The following FHIT variants were observed in gnomAD, a reference collection of about 807,000 sequenced individuals.
FHIT encodes the protein fragile histidine triad diadenosine triphosphatase.
In FHIT, 19 loss-of-function variants were observed where a neutral mutation model predicts 17.9. That is an observed-to-expected ratio of 1.06 (90% confidence interval 0.74 to 1.56). The LOEUF is 1.56. Ranked by LOEUF, FHIT falls within the 40% of genes most tolerant of loss-of-function variation. The pLI is 0.00. For synonymous variants in FHIT, 81 were observed against 69.7 expected (o/e 1.16, Z -0.81); for missense variants, 248 against 189.2 (o/e 1.31, Z -1.82).
chr3:60,980,163 A>C (rs964446360), intron 3 of FHIT, among the ~76,000 whole-genome samples: 2 of 152,220 alleles, frequency 1.3e-5, no homozygotes, highest in Non-Finnish European at 2.9e-5. Flanking sequence ...TTCTTTAGAA[A>C]ACATTCCATC....
At chr3:60,687,754 A>C (rs1003718553) in intron 4 of FHIT, among the ~76,000 whole-genome samples, 5 of 152,138 alleles carry the variant, frequency 3.3e-5, no homozygotes, top group African/African-American at 1.2e-4. Flanking sequence ...AAAGTGTATT[A>C]AAGTGTCATA....
At chr3:60,185,717 G>A (rs1031033820) in intron 5 of FHIT, among the ~76,000 whole-genome samples, 2 of 152,142 alleles carry the variant, frequency 1.3e-5, no homozygotes, top group Admixed American at 6.6e-5. Flanking sequence ...AAGCGCCTGT[G>A]CTATTTTACA....
chr3:61,176,712 T>C (rs926356858), intron 2 of FHIT, among the ~76,000 whole-genome samples: 2 of 152,204 alleles, frequency 1.3e-5, no homozygotes, highest in Non-Finnish European at 2.9e-5. Context: ...TTCAGCAGCA[T>C]ATTCAAAGAG....
intron 4 of FHIT, among the ~76,000 whole-genome samples, chr3:60,546,200 G>T (rs1464091453): frequency 2.6e-5 from 4 of 151,936 alleles, no homozygotes. Context: ...TATTCTTTGA[G>T]CTTATTTCAG....
chr3:60,349,766 A>G lies in FHIT; in HGVS notation c.103+187094T>C, dbSNP rs371498901. Among the ~76,000 whole-genome samples, 3 of 152,352 alleles carry G rather than the reference A, an allele frequency of 2.0e-5. No homozygotes were observed. The East Asian group carries it at 5.8e-4, about 29-fold the overall frequency. On this transcript the variant is annotated intron_variant, in intron 5 of 9. Coordinates refer to ENST00000492590, the MANE Select transcript of FHIT (RefSeq NM_002012.4). The stretch of plus-strand genomic sequence containing the variant: ...AATTTTCTAAAGAAATCACAATTTT[A>G]AAAATGTTGGAAAGCCAGTTCCATT...
At chr3:60,883,492 A>G (rs1248044325) in intron 3 of FHIT, among the ~76,000 whole-genome samples, 3 of 152,162 alleles carry the variant, frequency 2.0e-5, no homozygotes, top group Non-Finnish European at 4.4e-5. Context: ...TAACTAAATC[A>G]TCATGTTACT....
chr3:60,337,929 C>G (rs1345828611), intron 5 of FHIT, among the ~76,000 whole-genome samples: 1 of 152,172 alleles, frequency 6.6e-6, no homozygotes, highest in Non-Finnish European at 1.5e-5. Flanking sequence ...TCCTGGAATA[C>G]ACAGTCACAC....
At chr3:61,218,983 A>T (rs1313804197) in intron 1 of FHIT, among the ~76,000 whole-genome samples, 3 of 152,196 alleles carry the variant, frequency 2.0e-5, no homozygotes, top group Non-Finnish European at 4.4e-5. Context: ...GTCATTGTGC[A>T]AACATCACTG....
intron 8 of FHIT, among the ~76,000 whole-genome samples, chr3:59,900,246 C>A (rs148583052): frequency 6.6e-6 from 1 of 152,316 alleles, no homozygotes; most frequent in African/African-American, 2.4e-5. Flanking sequence ...ACTCACCCCA[C>A]AGGGCATGAG....
chr3:60,301,310 T>C (rs1424426841), intron 5 of FHIT, among the ~76,000 whole-genome samples: 2 of 152,298 alleles, frequency 1.3e-5, no homozygotes, highest in East Asian at 3.9e-4. Flanking sequence ...TGTTTCACCA[T>C]AGCCTTATGT....
At chr3:60,217,600 C>A (rs895093510) in intron 5 of FHIT, among the ~76,000 whole-genome samples, 1 of 152,152 alleles carries the variant, frequency 6.6e-6, no homozygotes, top group African/African-American at 2.4e-5. Context: ...ATAAAACCTA[C>A]GCTAGTCCAC....
intron 4 of FHIT, among the ~76,000 whole-genome samples, chr3:60,660,729 C>CTTTTTTTTTTTCTTTTTTTTTTTTTT (rs2040223178): frequency 2.7e-5 from 1 of 37,278 alleles, no homozygotes; most frequent in Non-Finnish European, 5.5e-5. Flanking sequence ...TTATTGTGCT[C>CTTTTTTTTTTTCTTTTTTTTTTTTTT]TTTTTTTTTT....
intron 4 of FHIT, among the ~76,000 whole-genome samples, chr3:60,609,852 T>C (rs1160955454): frequency 6.6e-6 from 1 of 152,160 alleles, no homozygotes; most frequent in Non-Finnish European, 1.5e-5. Context: ...AACAATATAC[T>C]GCATACCCAA....
At chr3:60,434,001 G>C (rs2029979296) in intron 5 of FHIT, among the ~76,000 whole-genome samples, 2 of 152,008 alleles carry the variant, frequency 1.3e-5, no homozygotes, top group South Asian at 4.2e-4. Context: ...AAATGTTAAG[G>C]AGATTTCCCC....
rs374251117 is a variant in FHIT at position 60,512,264 on chromosome 3, A to T, written c.103+24596T>A. Among the ~76,000 whole-genome samples the T allele has an allele frequency of 3.0e-4, 46 of 152,308 alleles. No homozygotes were observed. In the South Asian group the frequency reaches 9.1e-3, roughly 30 times the overall value. On this transcript the variant is annotated intron_variant, in intron 5 of 9. Coordinates refer to ENST00000492590, the MANE Select transcript of FHIT (RefSeq NM_002012.4). Reference sequence around the variant, plus strand: ...CCTGAATCAGATTAAAGTCTATTTAATTGGCACTTTCTAGTCAACCAATCA... The same window carrying T: ...CCTGAATCAGATTAAAGTCTATTTATTTGGCACTTTCTAGTCAACCAATCA...
chr3:60,108,569 C>T (rs1406569626), intron 5 of FHIT, among the ~76,000 whole-genome samples: 1 of 152,116 alleles, frequency 6.6e-6, no homozygotes, highest in African/African-American at 2.4e-5. Flanking sequence ...CTTGCCAGAG[C>T]CTGAAGGACA....
intron 5 of FHIT, among the ~76,000 whole-genome samples, chr3:60,121,647 G>T (rs1705254094): frequency 6.6e-6 from 1 of 151,734 alleles, no homozygotes; most frequent in Admixed American, 6.6e-5. Flanking sequence ...TCATGCCATT[G>T]CACTCCAGCC....
intron 5 of FHIT, among the ~76,000 whole-genome samples, chr3:60,417,414 C>T (rs185174521): frequency 1.3e-5 from 2 of 152,252 alleles, no homozygotes; most frequent in East Asian, 3.9e-4. Context: ...GATCACAGAA[C>T]ACAGTGGGTC....
chr3:60,199,178 T>C (rs960162888), intron 5 of FHIT, among the ~76,000 whole-genome samples: 2 of 152,174 alleles, frequency 1.3e-5, no homozygotes, highest in African/African-American at 4.8e-5. Flanking sequence ...GTTGGTCTTT[T>C]ATTCCTGTGA....
Sources: allele counts gnomAD v4.1 joint callset (sites outside exome capture counted in the v4.1 genomes callset), GRCh38; gene constraint gnomAD v4.1.1; transcripts MANE v1.5; gene names NCBI Gene and HGNC (gene_info 2026-07-23, HGNC 2026-07-21).